ABCA9: variants seen among roughly 807,000 people sequenced by gnomAD.
ABCA9 encodes ATP-binding cassette sub-family A member 9.
In ABCA9, 183 loss-of-function variants were observed where a neutral mutation model predicts 205.3. That is an observed-to-expected ratio of 0.89 (90% CI 0.79 to 1.01). The LOEUF (loss-of-function observed/expected upper bound fraction) is 1.01. ABCA9 is among the 50% of genes least tolerant of loss of function. The pLI is 0.00. For missense variants in ABCA9, 1,805 were observed against 1,912.4 expected (o/e 0.94, Z 1.05); for synonymous variants, 651 against 683.3 (o/e 0.95, Z 0.74).
At chr17:69,026,579 T>C (rs565452619) in intron 15 of ABCA9, 112 bp from the exon 16 acceptor site, 2 of 984,028 alleles carry the variant, frequency 2.0e-6, no homozygotes, top group African/African-American at 1.6e-5. Context: ...CTAAAATAGA[T>C]ATACTCTAAT....
Position 69,016,092 on chromosome 17 carries a change from ATG to A in ABCA9, c.3039+159_3039+160del, listed in dbSNP as rs372014674. On this transcript the variant is annotated intron_variant, in intron 22 of 38. Coordinates refer to ENST00000340001, the MANE Select transcript of ABCA9 (RefSeq NM_080283.4). ...TATAAAATATTGCACACAGATTTAT[ATG>A]TGTGTGTGTATATATATATATATAT... 1.8e-4 allele frequency among the ~76,000 whole-genome samples: 16 copies of A among 90,064 alleles called. 1 individual carries two copies. In the South Asian group the frequency reaches 2.1e-3, roughly 12 times the overall value. The allele number at this position is 90,064 out of a possible 152,430, so 59.1% of individuals were successfully genotyped here.
the ABCA9 span, among the ~76,000 whole-genome samples, chr17:69,067,534 C>T: frequency 8.1e-6 from 1 of 123,648 alleles, no homozygotes; most frequent in African/African-American, 3.1e-5. Context: ...CCAGCCTGGG[C>T]AACAGAGTAA....
chr17:69,047,007 G>T (rs2071741116), intron 3 of ABCA9, among the ~76,000 whole-genome samples: 1 of 149,710 alleles, frequency 6.7e-6, no homozygotes, highest in African/African-American at 2.5e-5. Flanking sequence ...TGTCACTGAG[G>T]CTGGAGTGCA....
At chr17:69,039,894 G>A (rs902612641) in intron 6 of ABCA9, among the ~76,000 whole-genome samples, 5 of 152,128 alleles carry the variant, frequency 3.3e-5, no homozygotes, top group Non-Finnish European at 5.9e-5. Flanking sequence ...AGTAGGCAAA[G>A]GATATGAACA....
intron 6 of ABCA9, among the ~76,000 whole-genome samples, chr17:69,039,324 C>T (rs2071456992): frequency 6.6e-6 from 1 of 152,146 alleles, no homozygotes; most frequent in African/African-American, 2.4e-5. Context: ...TACTGAAAGG[C>T]CACAGTAACT....
chr17:68,980,924 A>T (rs1252246809), intron 37 of ABCA9, among the ~76,000 whole-genome samples: 1 of 146,878 alleles, frequency 6.8e-6, no homozygotes, highest in Admixed American at 6.6e-5. Flanking sequence ...TAATATAAAA[A>T]AACTAAAAAA....
the ABCA9 span, among the ~76,000 whole-genome samples, chr17:69,070,557 G>A: frequency 4.6e-5 from 7 of 152,148 alleles, no homozygotes; most frequent in African/African-American, 1.4e-4. Flanking sequence ...GGTGCACTCC[G>A]GCCCAGATAC....
intron 1 of ABCA9, among the ~76,000 whole-genome samples, chr17:69,057,986 A>G (rs1327950754): frequency 1.3e-5 from 2 of 152,256 alleles, no homozygotes; most frequent in Non-Finnish European, 2.9e-5. Flanking sequence ...ACCATTTTAC[A>G]TAATGGTGTC....
intron 6 of ABCA9, among the ~76,000 whole-genome samples, chr17:69,036,982 T>C (rs1227784197): frequency 1.4e-5 from 2 of 138,902 alleles, no homozygotes; most frequent in African/African-American, 5.5e-5. Flanking sequence ...CATTACATAA[T>C]GGTAAAGGGA....
intron 22 of ABCA9, chr17:69,012,361 TG>T (rs2144217667): frequency 3.4e-6 from 1 of 291,606 alleles, no homozygotes. Flanking sequence ...AAGGTAGGCA[TG>T]AAACGTCTTT....
chr17:69,037,774 C>T (rs775138936), intron 6 of ABCA9, among the ~76,000 whole-genome samples: 3 of 151,808 alleles, frequency 2.0e-5, no homozygotes, highest in Non-Finnish European at 4.4e-5. Flanking sequence ...TCAATGAATC[C>T]AGGAGCTGTT....
chr17:68,985,223 G>A lies in ABCA9; in HGVS notation c.4209-95C>T, dbSNP rs932208529. The A allele has an allele frequency of 6.6e-6, 10 of 1,526,710 alleles. No individual in the cohort carries two copies. The South Asian group carries it at 6.8e-5, about 10-fold the overall frequency. The allele number at this position is 1,526,710 out of a possible 1,614,324, so 94.6% of individuals were successfully genotyped here. ...GGAGAAACACGACGGTGGGGGAGGT[G>A]TTTATGAGTGGTCAGAGTGGTCATA... On this transcript the variant is annotated intron_variant, in intron 32 of 38. Transcript: ENST00000340001.
At chr17:69,027,587 T>C (rs933774008) in intron 13 of ABCA9, 53 bp downstream of exon 13, 9 of 1,585,008 alleles carry the variant, frequency 5.7e-6, no homozygotes, top group African/African-American at 5.5e-5. Flanking sequence ...CAATATTTTC[T>C]AGATAAACCG....
chr17:68,999,710 C>T (rs1384435069), intron 25 of ABCA9, among the ~76,000 whole-genome samples: 1 of 152,144 alleles, frequency 6.6e-6, no homozygotes, highest in Non-Finnish European at 1.5e-5. Flanking sequence ...ACACTGACTT[C>T]CACAATGGTT....
chr17:69,051,425 T>C, intron 1 of ABCA9: 1 of 336,364 alleles, frequency 3.0e-6, no homozygotes, highest in Non-Finnish European at 5.4e-6. Flanking sequence ...CTGTGGGTGT[T>C]GTTAAATTGT....
chr17:68,984,029 T>C, intron 35 of ABCA9, 27 bp downstream of exon 35: 1 of 1,613,798 alleles, frequency 6.2e-7, no homozygotes, highest in Non-Finnish European at 8.5e-7. Flanking sequence ...ACCTAGGGGC[T>C]GAGCGCCGGC....
intron 25 of ABCA9, among the ~76,000 whole-genome samples, chr17:69,000,917 C>T (rs1270569964): frequency 1.5e-5 from 2 of 137,338 alleles, no homozygotes; most frequent in African/African-American, 7.3e-5. Context: ...TGATTTGGCT[C>T]TCTGTTTGTC....
intron 22 of ABCA9, among the ~76,000 whole-genome samples, chr17:69,013,807 G>T (rs2070475706): frequency 6.6e-6 from 1 of 152,124 alleles, no homozygotes; most frequent in African/African-American, 2.4e-5. Flanking sequence ...TCAGCAGCAA[G>T]ACCTGAGCTA....
chr17:69,039,062 G>A (rs534510016), intron 6 of ABCA9, among the ~76,000 whole-genome samples: 23 of 152,276 alleles, frequency 1.5e-4, no homozygotes, highest in Non-Finnish European at 2.9e-4. Flanking sequence ...GGAAATAAAA[G>A]AGGACACAAA....
Sources: gnomAD v4.1 joint callset for allele counts (sites outside exome capture counted in the v4.1 genomes callset) on GRCh38, gnomAD v4.1.1 for gene constraint, MANE v1.5 for transcripts, NCBI Gene and HGNC (gene_info 2026-07-23, HGNC 2026-07-21) for gene names.